Variants in SLCO1A2 observed in about 807,000 individuals in gnomAD.
The protein encoded by SLCO1A2 is OATP-1.
SLCO1A2 carries 67 observed loss-of-function variants against 69.0 expected under a neutral mutation model. That is an observed-to-expected ratio of 0.97 (90% CI 0.80 to 1.19). SLCO1A2 has a LOEUF of 1.19. Among genes scored for constraint, SLCO1A2 ranks in the 50% most tolerant of loss-of-function variants. The pLI is 0.00. For missense variants in SLCO1A2, 787 were observed against 793.7 expected (o/e 0.99, Z 0.10); for synonymous variants, 260 against 265.9 (o/e 0.98, Z 0.22).
intron 12 of SLCO1A2, among the ~76,000 whole-genome samples, chr12:21,283,851 C>T (rs1372948419): frequency 6.6e-6 from 1 of 152,166 alleles, no homozygotes; most frequent in African/African-American, 2.4e-5. Flanking sequence ...CAAATCAAAA[C>T]TGCAATGAGA....
At position 21,402,499 on chromosome 12, in the gene SLCO1A2, AT is replaced by A. The variant is rs759820386; in HGVS notation, c.-312+15382del. On this transcript the variant is annotated intron_variant, in intron 1 of 4. Transcript: ENST00000413682. The stretch of plus-strand genomic sequence containing the variant: ...TATTTTTGCATACAGTTAATTAAAA[AT>A]TTTTTGAAAGATTTATCACATACAA... Among the ~76,000 whole-genome samples, 21 of 152,250 alleles carry A rather than the reference AT, an allele frequency of 1.4e-4. 1 individual carries two copies. The South Asian group carries it at 4.1e-3, about 30-fold the overall frequency.
chr12:21,373,824 G>T, intron 2 of SLCO1A2: 1 of 587,600 alleles, frequency 1.7e-6, no homozygotes, highest in Non-Finnish European at 3.0e-6. Flanking sequence ...GATTCTTTTT[G>T]TATATATTAC....
rs967776144 is a variant in SLCO1A2, at chr12:21,318,886, T to C, written c.98A>G (p.Lys33Arg). The C allele has an allele frequency of 3.7e-6, 6 of 1,606,308 alleles. No individual in the cohort carries two copies. Among genetic ancestry groups the C allele is most frequent in the Admixed American group, 1.7e-5 (1 of 58,514 alleles). Reference sequence around the variant, plus strand: ...ATTCATATAAGATCCAGACAGTGTTTTGGATACAAATGCACATGTTATTGC... The same window carrying C: ...ATTCATATAAGATCCAGACAGTGTTCTGGATACAAATGCACATGTTATTGC... ...LLAITCAFVSKTLSGSYMNSM... is the reference protein window; with the variant it reads ...LLAITCAFVSRTLSGSYMNSM... Residue 33 changes from lysine (K) to arginine (R), a missense_variant, in exon 3 of 15, where the codon AAA (lysine) becomes AGA (arginine). Coordinates refer to ENST00000683939, the MANE Select transcript of SLCO1A2 (RefSeq NM_001386879.1).
chr12:21,358,806 A>C (rs2137037718), intron 2 of SLCO1A2, among the ~76,000 whole-genome samples: 1 of 152,318 alleles, frequency 6.6e-6, no homozygotes, highest in South Asian at 2.1e-4. Context: ...CTAATACATA[A>C]GTCTAAATAC....
chr12:21,281,430 A>G (rs1023362466), intron 12 of SLCO1A2, among the ~76,000 whole-genome samples: 1 of 152,074 alleles, frequency 6.6e-6, no homozygotes, highest in Non-Finnish European at 1.5e-5. Flanking sequence ...AACTTGAGCG[A>G]CAGAGTGAGA....
chr12:21,330,571 C>T (rs1952554140), intron 2 of SLCO1A2, among the ~76,000 whole-genome samples: 1 of 151,886 alleles, frequency 6.6e-6, no homozygotes, highest in Admixed American at 6.6e-5. Flanking sequence ...AGAGAGTTAC[C>T]ATTCCAGGCC....
At chr12:21,280,326 T>G (rs1282455626) in intron 12 of SLCO1A2, among the ~76,000 whole-genome samples, 1 of 152,080 alleles carries the variant, frequency 6.6e-6, no homozygotes, top group East Asian at 1.9e-4. Context: ...AATAATCTGT[T>G]GTCTACTAGA....
chr12:21,297,646 C>T (rs1398274823), intron 8 of SLCO1A2, 78 bp from the exon 9 acceptor site: 1 of 890,798 alleles, frequency 1.1e-6, no homozygotes, highest in Admixed American at 2.7e-5. Context: ...AAACATCCAC[C>T]TCCTCAACAA....
At chr12:21,373,469 G>T (rs1159613845) in intron 2 of SLCO1A2, 1 of 1,404,152 alleles carries the variant, frequency 7.1e-7, no homozygotes, top group Non-Finnish European at 1.0e-6. Context: ...TGTAACTTTT[G>T]TAAAGTGTGA....
At position 21,287,236 on chromosome 12, in the gene SLCO1A2, T is replaced by C. The variant is rs1404740598; in HGVS notation, c.1610+4928A>G. Among the ~76,000 whole-genome samples, 11 of 149,546 alleles carry C rather than the reference T, an allele frequency of 7.4e-5. No homozygotes were observed. In the East Asian group the frequency reaches 2.1e-3, roughly 28 times the overall value. ...GACACTTCTCAAAAGAAGACATTTA[T>C]GCAGCCAAAAAACACATGAAAAATT... On this transcript the variant is annotated intron_variant, in intron 12 of 14. Transcript: ENST00000683939.
At chr12:21,283,929 T>C (rs1945257126) in intron 12 of SLCO1A2, among the ~76,000 whole-genome samples, 1 of 152,162 alleles carries the variant, frequency 6.6e-6, no homozygotes, top group Non-Finnish European at 1.5e-5. Context: ...GGTGAGTATG[T>C]AGAGTAAAGG....
chr12:21,362,814 G>C (rs1021825528), intron 2 of SLCO1A2, among the ~76,000 whole-genome samples: 1 of 152,138 alleles, frequency 6.6e-6, no homozygotes. Flanking sequence ...TTACATAATG[G>C]TAACAGGATC....
chr12:21,377,419 A>G (rs777518661), intron 1 of SLCO1A2, among the ~76,000 whole-genome samples: 64 of 152,198 alleles, frequency 4.2e-4, no homozygotes, highest in Non-Finnish European at 1.8e-4. Flanking sequence ...TTAAGAACAA[A>G]GCATGATATC....
At chr12:21,357,443 A>C (rs1475966249) in intron 2 of SLCO1A2, among the ~76,000 whole-genome samples, 1 of 152,200 alleles carries the variant, frequency 6.6e-6, no homozygotes, top group African/African-American at 2.4e-5. Context: ...GCTGACACCT[A>C]ATCTTAGACT....
chr12:21,402,059 A>C (rs543303946), intron 1 of SLCO1A2, among the ~76,000 whole-genome samples: 57 of 151,488 alleles, frequency 3.8e-4, no homozygotes, highest in African/African-American at 1.3e-3. Flanking sequence ...TAGGGATTTT[A>C]ATGTTAAAAT....
rs117533217 is a variant in SLCO1A2 at position 21,385,867 on chromosome 12, G to A, written c.-190+9039C>T. 7.7e-3 allele frequency among the ~76,000 whole-genome samples: 1,168 copies of A among 152,234 alleles called. 8 individuals are homozygous for A. The highest frequency in any genetic ancestry group is 0.02 in the Middle Eastern group (6 of 294). On this transcript the variant is annotated intron_variant, in intron 1 of 15. Transcript: ENST00000307378. ...TCTGAAAACAGTATTTGATCCTTAC[G>A]AGGTGCTTAGAAACCATATTTTTCC...
At chr12:21,389,743 A>T (rs1425848739) in intron 1 of SLCO1A2, among the ~76,000 whole-genome samples, 1 of 151,986 alleles carries the variant, frequency 6.6e-6, no homozygotes, top group Admixed American at 6.6e-5. Flanking sequence ...GTAGGCACAC[A>T]CATACAAATC....
chr12:21,361,905 A>G (rs1462742672), intron 2 of SLCO1A2, among the ~76,000 whole-genome samples: 1 of 152,198 alleles, frequency 6.6e-6, no homozygotes, highest in Admixed American at 6.5e-5. Context: ...TGAAAAGACC[A>G]AATCTACGTC....
At chr12:21,335,616 C>T (rs1952856713), upstream of SLCO1A2, among the ~76,000 whole-genome samples, 2 of 151,946 alleles carry the variant, frequency 1.3e-5, no homozygotes, top group Non-Finnish European at 2.9e-5. Context: ...ACAGTATCCC[C>T]AGCATTAATT....
Sources: gnomAD v4.1 joint callset for allele counts (sites outside exome capture counted in the v4.1 genomes callset) on GRCh38, gnomAD v4.1.1 for gene constraint, MANE v1.5 for transcripts, NCBI Gene and HGNC (gene_info 2026-07-23, HGNC 2026-07-21) for gene names.